FAM241A: variants seen among roughly 807,000 people sequenced by gnomAD.
FAM241A encodes family with sequence similarity 241 member A.
A neutral mutation model predicts 12.2 loss-of-function variants in FAM241A; 7 were observed. The observed-to-expected ratio is 0.58, with a 90% CI of 0.33 to 1.08. The LOEUF is 1.08. FAM241A is among the 50% of genes least tolerant of loss of function. FAM241A has a pLI of 0.04. For missense variants in FAM241A, 161 were observed against 169.7 expected (o/e 0.95, Z 0.29); for synonymous variants, 74 against 68.2 (o/e 1.08, Z -0.42).
chr4:112,184,562 T>C (rs1724003242), intron 1 of FAM241A, among the ~76,000 whole-genome samples: 1 of 152,148 alleles, frequency 6.6e-6, no homozygotes, highest in African/African-American at 2.4e-5. Context: ...AGCTCAAAAG[T>C]AAATCTGGCT....
intron 1 of FAM241A, among the ~76,000 whole-genome samples, chr4:112,172,679 G>A (rs549773800): frequency 1.8e-4 from 28 of 152,170 alleles, no homozygotes; most frequent in African/African-American, 6.3e-4. Context: ...ACACTAGATT[G>A]TTAGCTTCTC....
chr4:112,163,259 C>T (rs780165044), intron 1 of FAM241A, among the ~76,000 whole-genome samples: 106 of 152,292 alleles, frequency 7.0e-4, no homozygotes, highest in Non-Finnish European at 3.1e-4. Flanking sequence ...GCAAGGACTT[C>T]ATGACTAAAA....
At chr4:112,159,780 C>T (rs1723423398) in intron 1 of FAM241A, among the ~76,000 whole-genome samples, 1 of 152,232 alleles carries the variant, frequency 6.6e-6, no homozygotes, top group Non-Finnish European at 1.5e-5. Context: ...AATATCTCAA[C>T]ATAACAAAAG....
rs1398353946 is a variant in FAM241A, at chr4:112,194,720, GC to G, written c.*7783del. ...AAGCCCACTTGAACATGGTGGATAA[GC>G]TTTTTGATGTGCTGCTGGATTTGGT... On this transcript the variant is annotated 3_prime_UTR_variant, in exon 2 of 2. Transcript: ENST00000309733. 2.0e-5 allele frequency: 3 copies of G among 152,120 alleles called. No homozygotes were observed. The highest frequency in any genetic ancestry group is 7.2e-5 in the African/African-American group (3 of 41,412). 9.4% of individuals were successfully genotyped at this position (152,120 alleles called of 1,614,324 possible).
At chr4:112,153,482 G>A (rs1370599879) in intron 1 of FAM241A, among the ~76,000 whole-genome samples, 1 of 152,054 alleles carries the variant, frequency 6.6e-6, no homozygotes, top group Admixed American at 6.6e-5. Context: ...ACCTATCTCC[G>A]AAAACCTTGT....
chr4:112,151,091 G>C (rs991103823), intron 1 of FAM241A, among the ~76,000 whole-genome samples: 1 of 152,226 alleles, frequency 6.6e-6, no homozygotes, highest in African/African-American at 2.4e-5. Flanking sequence ...GTGATCTACA[G>C]TGTTGGAGGT....
intron 1 of FAM241A, among the ~76,000 whole-genome samples, chr4:112,157,719 C>CA (rs979416302): frequency 6.6e-6 from 1 of 151,938 alleles, no homozygotes; most frequent in Admixed American, 6.6e-5. Flanking sequence ...AGATCACTCC[C>CA]AAAAAAACAC....
chr4:112,164,970 A>G (rs561267272), intron 1 of FAM241A, among the ~76,000 whole-genome samples: 2 of 152,168 alleles, frequency 1.3e-5, no homozygotes, highest in Non-Finnish European at 2.9e-5. Context: ...AAAACTAGCT[A>G]GGCATGGGCT....
chr4:112,191,247 T>C lies in FAM241A; in HGVS notation c.*4309T>C, dbSNP rs936675725. The C allele has an allele frequency of 6.6e-6, 1 of 152,200 alleles. No individual in the cohort carries two copies. The highest frequency in any genetic ancestry group is 2.1e-4 in the South Asian group (1 of 4,832). 9.4% of individuals were successfully genotyped at this position (152,200 alleles called of 1,614,324 possible). A position where few individuals can be genotyped will look rare whatever the true frequency, so the allele number is the denominator to read the frequency against. On this transcript the variant is annotated 3_prime_UTR_variant, in exon 2 of 2. Coordinates refer to ENST00000309733, the MANE Select transcript of FAM241A (RefSeq NM_152400.3). ...CAAATCTATTTTACTTCTAAAAATATAATCTTTCTACTTCTATTCATTCCT... is the reference window on the plus strand; with the variant it reads ...CAAATCTATTTTACTTCTAAAAATACAATCTTTCTACTTCTATTCATTCCT...
rs967385055 is a variant in FAM241A, at chr4:112,145,680, G to A, written c.100G>A (p.Asp34Asn). 1.7e-6 allele frequency: 2 copies of A among 1,210,202 alleles called. No individual in the cohort carries two copies. Among genetic ancestry groups the A allele is most frequent in the Non-Finnish European group, 2.1e-6 (2 of 973,706 alleles). The allele number at this position is 1,210,202 out of a possible 1,614,324, so 75.0% of individuals were successfully genotyped here. ...AEREAAGTGW[D>N]PGASPRRRGQ... is the part of the protein sequence containing the mutation. ...GCGGGAGGCGGCAGGGACCGGGTGG[G>A]ATCCCGGGGCGAGCCCGCGGCGGCG... Residue 34 changes from aspartate to asparagine, a missense_variant, in exon 1 of 2, where the codon GAT becomes AAT. By Grantham distance (23) the Asp-to-Asn change is conservative (BLOSUM62 1). Transcript: ENST00000309733.
intron 1 of FAM241A, among the ~76,000 whole-genome samples, chr4:112,163,544 A>G (rs941684491): frequency 3.3e-5 from 5 of 152,268 alleles, no homozygotes; most frequent in African/African-American, 9.6e-5. Context: ...TATACAGCCA[A>G]AAGACACATG....
rs1724227257 is a variant in FAM241A, at chr4:112,194,495, T to C, written c.*7557T>C. 2.0e-5 allele frequency: 3 copies of C among 151,706 alleles called. No individual in the cohort carries two copies. The South Asian group carries it at 6.3e-4, about 32-fold the overall frequency. The allele number at this position is 151,706 out of a possible 1,614,324, so 9.4% of individuals were successfully genotyped here. ...ATATTGGCTGTGGGTTTGTCATAGA[T>C]AGCTCTTATTATTTTGAGATACGTC... On this transcript the variant is annotated 3_prime_UTR_variant, in exon 2 of 2. Coordinates refer to ENST00000309733, the MANE Select transcript of FAM241A (RefSeq NM_152400.3).
rs1724097285 is a variant in FAM241A at position 112,188,801 on chromosome 4, T to G, written c.*1863T>G. 6.6e-6 allele frequency: 1 copy of G among 152,146 alleles called. No homozygotes were observed. The highest frequency in any genetic ancestry group is 2.4e-5 in the African/African-American group (1 of 41,444). 9.4% of individuals were successfully genotyped at this position (152,146 alleles called of 1,614,324 possible). On this transcript the variant is annotated 3_prime_UTR_variant, in exon 2 of 2. Coordinates refer to ENST00000309733, the MANE Select transcript of FAM241A (RefSeq NM_152400.3). ...CAGTACCTAATGTTGAAAACATTTTTAAAGTAATTTTTAATACTAACTATT... is the reference window on the plus strand; with the variant it reads ...CAGTACCTAATGTTGAAAACATTTTGAAAGTAATTTTTAATACTAACTATT...
intron 1 of FAM241A, among the ~76,000 whole-genome samples, chr4:112,163,102 C>A (rs1338298490): frequency 6.6e-6 from 1 of 152,064 alleles, no homozygotes; most frequent in Non-Finnish European, 1.5e-5. Context: ...AACTGGCTAG[C>A]CATATGTAGA....
intron 1 of FAM241A, chr4:112,171,626 G>A (rs1294093307): frequency 4.5e-5 from 24 of 538,646 alleles, no homozygotes; most frequent in East Asian, 6.8e-5. Flanking sequence ...TTGGGAGGCC[G>A]AGGCGGGCGA....
In FAM241A at chr4:112,167,928, C is replaced by T. The variant is rs552955785; in HGVS notation, c.154-18765C>T. Among the ~76,000 whole-genome samples, 8 of 152,260 alleles carry T rather than the reference C, an allele frequency of 5.3e-5. No homozygotes were observed. In the South Asian group the frequency reaches 1.0e-3, roughly 20 times the overall value. ...GGAGAACATGACAGACATCAAGAAC[C>T]AGTGTGTGGTTTCCTGAAAGTAAGC... On this transcript the variant is annotated intron_variant, in intron 1 of 1. Coordinates refer to ENST00000309733, the MANE Select transcript of FAM241A (RefSeq NM_152400.3).
chr4:112,163,471 TCAAA>T (rs1024805898), intron 1 of FAM241A, among the ~76,000 whole-genome samples: 5 of 151,564 alleles, frequency 3.3e-5, no homozygotes, highest in African/African-American at 9.7e-5. Flanking sequence ...AAGAAAAAAA[TCAAA>T]CAACCCCATC....
intron 1 of FAM241A, among the ~76,000 whole-genome samples, chr4:112,160,118 C>G (rs538294515): frequency 4.6e-5 from 7 of 152,176 alleles, no homozygotes; most frequent in Non-Finnish European, 8.8e-5. Context: ...AAATCAGTAG[C>G]ATTTCTGGAT....
At chr4:112,185,785 C>T (rs1285163753) in intron 1 of FAM241A, among the ~76,000 whole-genome samples, 1 of 152,130 alleles carries the variant, frequency 6.6e-6, no homozygotes, top group Non-Finnish European at 1.5e-5. Context: ...TGTTGGAAAA[C>T]CCCCAAATTG....
Sources: gnomAD v4.1 joint callset for allele counts (sites outside exome capture counted in the v4.1 genomes callset) on GRCh38, gnomAD v4.1.1 for gene constraint, MANE v1.5 for transcripts, NCBI Gene and HGNC (gene_info 2026-07-23, HGNC 2026-07-21) for gene names.